Variants in FSTL5 observed in about 807,000 individuals in gnomAD.
FSTL5 encodes follistatin-related protein 5.
Under a neutral mutation model 89.1 loss-of-function variants are expected in FSTL5, and 62 were observed. That is an observed-to-expected ratio of 0.70 (90% CI 0.57 to 0.86). The LOEUF is 0.86. Among genes scored for constraint, FSTL5 ranks in the 40% least tolerant of loss-of-function variants. The pLI, the probability that FSTL5 is intolerant of heterozygous loss-of-function variation, is 0.00. For missense variants in FSTL5, 1,057 were observed against 1,001.6 expected (o/e 1.06, Z -0.75); for synonymous variants, 383 against 346.2 (o/e 1.11, Z -1.18).
Position 161,775,982 on chromosome 4 carries a change from G to A in FSTL5, c.502C>T (p.Pro168Ser). Residue 168 changes from proline (P) to serine (S), a missense_variant, in exon 5 of 16, where the codon CCT becomes TCT. Pro to Ser is a moderately conservative substitution (Grantham distance 74). Coordinates refer to ENST00000306100, the MANE Select transcript of FSTL5 (RefSeq NM_020116.5). ...QKYIMQENEN[P>S]NGDDISRKKL... ...TTCCGAGATATGTCGTCGCCATTAG[G>A]ATTTTCATTTTCTTGCATAATATAT... 6.2e-7 allele frequency: 1 copy of A among 1,601,056 alleles called. No individual in the cohort carries two copies. The highest frequency in any genetic ancestry group is 1.1e-5 in the South Asian group (1 of 89,456).
intron 6 of FSTL5, among the ~76,000 whole-genome samples, chr4:161,733,639 T>C (rs1414278814): frequency 2.6e-5 from 4 of 152,084 alleles, no homozygotes; most frequent in Admixed American, 6.6e-5. Flanking sequence ...AAGTCTTTCA[T>C]TGATGTCTTC....
intron 15 of FSTL5, among the ~76,000 whole-genome samples, chr4:161,390,246 C>T (rs773809798): frequency 1.3e-5 from 2 of 152,062 alleles, no homozygotes; most frequent in Non-Finnish European, 2.9e-5. Flanking sequence ...AATAGATCCT[C>T]GGCTTACCCA....
At chr4:161,626,847 G>C (rs1388661333) in intron 7 of FSTL5, among the ~76,000 whole-genome samples, 1 of 152,104 alleles carries the variant, frequency 6.6e-6, no homozygotes, top group Non-Finnish European at 1.5e-5. Flanking sequence ...GGCTTCAAAG[G>C]GTTCAAGAGT....
chr4:161,664,006 A>G (rs975850989), intron 6 of FSTL5, among the ~76,000 whole-genome samples: 2 of 152,186 alleles, frequency 1.3e-5, no homozygotes, highest in Non-Finnish European at 2.9e-5. Context: ...TTTCAGCCAC[A>G]GCTGGAGCCG....
At chr4:162,028,374 C>G (rs1737382052) in intron 3 of FSTL5, among the ~76,000 whole-genome samples, 1 of 151,996 alleles carries the variant, frequency 6.6e-6, no homozygotes, top group African/African-American at 2.4e-5. Flanking sequence ...GTCAGGAGTT[C>G]GAGACCATCC....
chr4:162,161,188 G>A (rs1055305743), intron 1 of FSTL5, among the ~76,000 whole-genome samples: 1 of 151,808 alleles, frequency 6.6e-6, no homozygotes, highest in Non-Finnish European at 1.5e-5. Context: ...CCAGTGTTGT[G>A]TTACTGAATA....
At chr4:162,047,733 G>A (rs912707373) in intron 2 of FSTL5, among the ~76,000 whole-genome samples, 1 of 152,002 alleles carries the variant, frequency 6.6e-6, no homozygotes, top group African/African-American at 2.4e-5. Flanking sequence ...GCTGAGGCAG[G>A]AGAATTGCTT....
intron 6 of FSTL5, among the ~76,000 whole-genome samples, chr4:161,691,196 A>G (rs548604576): frequency 4.6e-5 from 7 of 152,026 alleles, no homozygotes; most frequent in African/African-American, 1.7e-4. Flanking sequence ...TATTCAGTTC[A>G]TTCACTCATT....
intron 13 of FSTL5, among the ~76,000 whole-genome samples, chr4:161,478,419 T>G (rs571088790): frequency 3.4e-4 from 52 of 152,246 alleles, no homozygotes; most frequent in African/African-American, 1.2e-3. Flanking sequence ...TAAAGACACC[T>G]TATTTAATAT....
At chr4:161,415,453 C>G (rs140578427) in intron 15 of FSTL5, among the ~76,000 whole-genome samples, 1 of 151,990 alleles carries the variant, frequency 6.6e-6, no homozygotes, top group South Asian at 2.1e-4. Context: ...TGGTGTTTCA[C>G]CATGTTGGCC....
chr4:161,560,951 G>A (rs922959555), intron 8 of FSTL5, among the ~76,000 whole-genome samples: 2 of 151,820 alleles, frequency 1.3e-5, no homozygotes, highest in African/African-American at 4.8e-5. Context: ...TTATTATCAA[G>A]TATTATGTAG....
At chr4:161,482,916 G>A (rs1216814074) in intron 12 of FSTL5, among the ~76,000 whole-genome samples, 1 of 152,180 alleles carries the variant, frequency 6.6e-6, no homozygotes, top group East Asian at 1.9e-4. Context: ...AGCACAGATT[G>A]TTCTAAGCTT....
chr4:161,923,621 CTAA>C (rs1279989219), intron 3 of FSTL5, among the ~76,000 whole-genome samples: 2 of 151,556 alleles, frequency 1.3e-5, no homozygotes, highest in South Asian at 2.1e-4. Context: ...GAAGAATGAG[CTAA>C]TGTTTTAAGA....
chr4:161,423,504 C>T (rs555698257), intron 15 of FSTL5, among the ~76,000 whole-genome samples: 1 of 152,074 alleles, frequency 6.6e-6, no homozygotes, highest in Non-Finnish European at 1.5e-5. Flanking sequence ...TGATAATTCT[C>T]TTATGCATTC....
intron 7 of FSTL5, among the ~76,000 whole-genome samples, chr4:161,611,376 C>T (rs555766754): frequency 1.5e-4 from 23 of 150,936 alleles, no homozygotes; most frequent in African/African-American, 5.6e-4. Context: ...ATTTTCTTTA[C>T]ATTTCTTCAT....
At chr4:161,484,816 T>C (rs1030625038) in intron 12 of FSTL5, among the ~76,000 whole-genome samples, 3 of 152,212 alleles carry the variant, frequency 2.0e-5, no homozygotes, top group African/African-American at 7.2e-5. Context: ...TCAAGTTGCC[T>C]GTAATTTCTG....
chr4:161,486,733 G>A (rs1032604487), intron 12 of FSTL5, among the ~76,000 whole-genome samples: 3 of 152,058 alleles, frequency 2.0e-5, no homozygotes, highest in Admixed American at 1.3e-4. Context: ...AAATACAACC[G>A]TCAACACAGT....
At chr4:161,752,858 T>C (rs1218337904) in intron 6 of FSTL5, among the ~76,000 whole-genome samples, 1 of 152,160 alleles carries the variant, frequency 6.6e-6, no homozygotes, top group African/African-American at 2.4e-5. Flanking sequence ...TTTGTCCTTA[T>C]GAGACACCAG....
At chr4:161,476,173 G>GTTTTTTTTTT (rs1231231673) in intron 13 of FSTL5, among the ~76,000 whole-genome samples, 32 of 80,474 alleles carry the variant, frequency 4.0e-4, no homozygotes, top group African/African-American at 5.4e-4. Flanking sequence ...AAGTTTGCTG[G>GTTTTTTTTTT]TTTTTTTTTT....
Sources: gnomAD v4.1 joint callset for allele counts (sites outside exome capture counted in the v4.1 genomes callset) on GRCh38, gnomAD v4.1.1 for gene constraint, MANE v1.5 for transcripts, NCBI Gene and HGNC (gene_info 2026-07-23, HGNC 2026-07-21) for gene names.